Variants in FREM2 observed in about 807,000 individuals in gnomAD.
FREM2 encodes the protein FRAS1-related extracellular matrix protein 2.
A neutral mutation model predicts 219.9 loss-of-function variants in FREM2; 119 were observed. That is an observed-to-expected ratio of 0.54 (90% CI 0.47 to 0.63). The LOEUF (loss-of-function observed/expected upper bound fraction) is 0.63. Among genes scored for constraint, FREM2 ranks in the 30% least tolerant of loss-of-function variants. The probability of loss-of-function intolerance (pLI) is 0.00; values close to 1 mark genes in which losing one functional copy is unlikely to be tolerated. For missense variants in FREM2, 4,030 were observed against 3,993.6 expected (o/e 1.01, Z -0.25); for synonymous variants, 1,562 against 1,522.8 (o/e 1.03, Z -0.60).
At chr13:38,870,901 C>A (rs1317970488) in intron 16 of FREM2, among the ~76,000 whole-genome samples, 1 of 152,084 alleles carries the variant, frequency 6.6e-6, no homozygotes, top group African/African-American at 2.4e-5. Flanking sequence ...ACCTATAAAG[C>A]TTAATTGGAA....
chr13:38,745,122 G>A (rs1046125072), intron 2 of FREM2, among the ~76,000 whole-genome samples: 1 of 152,124 alleles, frequency 6.6e-6, no homozygotes, highest in African/African-American at 2.4e-5. Context: ...TGGAAAATAT[G>A]ACTGTAAGGA....
Position 38,881,443 on chromosome 13 carries a change from T to G in FREM2, c.*656T>G, listed in dbSNP as rs1178240356. On this transcript the variant is annotated 3_prime_UTR_variant, in exon 24 of 24. Transcript: ENST00000280481. ...AGACTCTCCTTGTTTTGTTTGCATATTTAATTTTAAATTAAACCAAAGAAT... is the reference window on the plus strand; with the variant it reads ...AGACTCTCCTTGTTTTGTTTGCATAGTTAATTTTAAATTAAACCAAAGAAT... 1 of 154,788 alleles carries G rather than the reference T, an allele frequency of 6.5e-6. No individual in the cohort carries two copies. Among genetic ancestry groups the G allele is most frequent in the Non-Finnish European group, 1.4e-5 (1 of 69,502 alleles). 9.6% of individuals were successfully genotyped at this position (154,788 alleles called of 1,614,324 possible).
At chr13:38,807,225 A>ATATATATATATATATG (rs1208111391) in intron 6 of FREM2, among the ~76,000 whole-genome samples, 1 of 125,236 alleles carries the variant, frequency 8.0e-6, no homozygotes, top group Non-Finnish European at 1.7e-5. Flanking sequence ...ATATATATAT[A>ATATATATATATATATG]TATGTATGGT....
chr13:38,856,139 G>A lies in FREM2; in HGVS notation c.6939G>A (p.Lys2313=). 4 of 1,609,418 alleles carry A rather than the reference G, an allele frequency of 2.5e-6. No homozygotes were observed. The highest frequency in any genetic ancestry group is 1.1e-5 in the South Asian group (1 of 90,968). ...YHPVSEEIEF[K]EGETQHVVEI... ...TTACATTTGTAGAAATTGAGTTTAA[G>A]GAAGGGGAAACCCAGCACGTGGTTG... Residue 2313 remains lysine (K), a synonymous_variant, in exon 12 of 24, where the codon AAG becomes AAA. Coordinates refer to ENST00000280481, the MANE Select transcript of FREM2 (RefSeq NM_207361.6).
At chr13:38,809,055 A>C (rs1259886585) in intron 6 of FREM2, among the ~76,000 whole-genome samples, 1 of 151,734 alleles carries the variant, frequency 6.6e-6, no homozygotes, top group Non-Finnish European at 1.5e-5. Flanking sequence ...TGTCCTGTTA[A>C]GTTCCATAGG....
intron 2 of FREM2, 77 bp from the exon 3 acceptor site, chr13:38,764,227 T>G: frequency 9.7e-7 from 1 of 1,029,214 alleles, no homozygotes; most frequent in Non-Finnish European, 1.5e-6. Flanking sequence ...GTTGTTTCAT[T>G]AAAGTAATCT....
rs758391492 is a variant in FREM2 at position 38,784,585 on chromosome 13, C to T, written c.5796C>T (p.Ser1932=). The T allele has an allele frequency of 1.1e-5, 17 of 1,614,034 alleles. No individual in the cohort carries two copies. The highest frequency in any genetic ancestry group is 8.3e-5 in the Admixed American group (5 of 60,008). The change falls in exon 6 of 24, where the codon TCC becomes TCT. Residue 1932 remains serine, a synonymous_variant. Coordinates refer to ENST00000280481, the MANE Select transcript of FREM2 (RefSeq NM_207361.6). The part of the protein sequence containing the change: ...QGTATGTVPT[S]VLSYSDYISR... ...CAGCAACTGGAACTGTGCCGACTTC[C>T]GTGTTGTCTTACTCTGATTACATAT... is the stretch of plus-strand genomic sequence containing the variant.
In FREM2 at chr13:38,690,241, C is replaced by T. The variant is rs1269274915; in HGVS notation, c.2897C>T (p.Ala966Val). The change falls in exon 1 of 24, where the codon GCC (alanine) becomes GTC (valine). Residue 966 changes from alanine to valine, a missense_variant. This residue lies in a region of FREM2 where 3,102 missense variants were observed against 2,950.7 expected (regional missense o/e 1.05). Transcript: ENST00000280481. The stretch of plus-strand genomic sequence containing the variant: ...GAAAATGGGGCTACTGAAATCACTG[C>T]CAATGTTATTAAGGGGACCAATGAG... ...VLENGATEIT[A>V]NVIKGTNEET... is the part of the protein sequence containing the mutation. 6.2e-7 allele frequency: 1 copy of T among 1,614,146 alleles called. No homozygotes were observed. The highest frequency in any genetic ancestry group is 1.1e-5 in the South Asian group (1 of 91,080).
intron 6 of FREM2, among the ~76,000 whole-genome samples, chr13:38,838,966 G>A (rs772739121): frequency 4.6e-5 from 7 of 152,028 alleles, no homozygotes; most frequent in African/African-American, 7.2e-5. Context: ...TCTTCAATTC[G>A]TCAAACTCAT....
chr13:38,849,090 C>CTACCA (rs1249553704), intron 8 of FREM2, among the ~76,000 whole-genome samples: 29 of 152,252 alleles, frequency 1.9e-4, no homozygotes, highest in African/African-American at 7.0e-4. Flanking sequence ...AAGACCCAGC[C>CTACCA]TACCAATAAG....
rs376122266 is a variant in FREM2, at chr13:38,690,495, C to G, written c.3151C>G (p.Gln1051Glu). Residue 1051 changes from glutamine (Q) to glutamate (E), a missense_variant, in exon 1 of 24, where the codon CAA becomes GAA. By Grantham distance (29) the Gln-to-Glu change is conservative. Coordinates refer to ENST00000280481, the MANE Select transcript of FREM2 (RefSeq NM_207361.6). Reference protein sequence around the residue: ...QEWRIGGNTIQGVTIWVTILP... With the variant: ...QEWRIGGNTIEGVTIWVTILP... ...ATGGAGAATTGGTGGCAATACTATC[C>G]AAGGAGTTACTATATGGGTGACCAT... The G allele has an allele frequency of 1.2e-6, 2 of 1,614,020 alleles. No homozygotes were observed. The highest frequency in any genetic ancestry group is 1.7e-5 in the Admixed American group (1 of 60,006).
chr13:38,846,337 C>T (rs1877151907), intron 6 of FREM2, among the ~76,000 whole-genome samples: 1 of 152,058 alleles, frequency 6.6e-6, no homozygotes, highest in Admixed American at 6.5e-5. Flanking sequence ...CAAACTTATG[C>T]CTCAAGATGA....
intron 15 of FREM2, among the ~76,000 whole-genome samples, chr13:38,861,995 A>G (rs1877778302): frequency 6.6e-6 from 1 of 152,222 alleles, no homozygotes; most frequent in South Asian, 2.1e-4. Flanking sequence ...ATTTAAATAA[A>G]ATAAAAAATG....
intron 2 of FREM2, among the ~76,000 whole-genome samples, chr13:38,733,853 A>G (rs1871870763): frequency 6.6e-6 from 1 of 152,188 alleles, no homozygotes; most frequent in Admixed American, 6.5e-5. Flanking sequence ...TGAGCTAAAT[A>G]CTGCTGATAT....
intron 4 of FREM2, chr13:38,779,584 A>T (rs1353196587): frequency 1.3e-5 from 2 of 152,228 alleles, no homozygotes; most frequent in East Asian, 3.9e-4. Flanking sequence ...AAAAAATAAA[A>T]AGTAAAAACC....
intron 2 of FREM2, among the ~76,000 whole-genome samples, chr13:38,759,269 C>G (rs997112632): frequency 1.3e-5 from 2 of 152,072 alleles, no homozygotes; most frequent in Non-Finnish European, 2.9e-5. Context: ...CTATTTGTAA[C>G]TATTCTCCAA....
intron 2 of FREM2, among the ~76,000 whole-genome samples, chr13:38,713,995 T>G (rs2138098644): frequency 6.6e-6 from 1 of 152,276 alleles, no homozygotes; most frequent in South Asian, 2.1e-4. Context: ...GAGGCTACAA[T>G]GACAATAATG....
At chr13:38,802,416 A>G (rs550549931) in intron 6 of FREM2, among the ~76,000 whole-genome samples, 1 of 151,720 alleles carries the variant, frequency 6.6e-6, no homozygotes, top group South Asian at 2.1e-4. Context: ...TCCAGGGCAT[A>G]ACGCAGGCCT....
intron 2 of FREM2, among the ~76,000 whole-genome samples, chr13:38,734,656 T>A (rs1390660024): frequency 6.6e-6 from 1 of 151,592 alleles, no homozygotes; most frequent in East Asian, 1.9e-4. Context: ...AGCAATCCTA[T>A]GACATATTAA....
Sources: allele counts gnomAD v4.1 joint callset (sites outside exome capture counted in the v4.1 genomes callset), GRCh38; gene constraint gnomAD v4.1.1; regional missense constraint gnomAD v4.1.1; transcripts MANE v1.5; gene names NCBI Gene and HGNC (gene_info 2026-07-23, HGNC 2026-07-21).